Variants in PI4KA observed in about 807,000 individuals in gnomAD.
The protein encoded by PI4KA is phosphatidylinositol 4-kinase alpha.
A neutral mutation model predicts 271.4 loss-of-function variants in PI4KA; 122 were observed. That is an observed-to-expected ratio of 0.45 (90% CI 0.39 to 0.52). PI4KA has a LOEUF of 0.52. PI4KA is among the 20% of genes least tolerant of loss of function. The probability of loss-of-function intolerance (pLI) is 0.00; values close to 1 mark genes in which losing one functional copy is unlikely to be tolerated. For missense variants in PI4KA, 1,969 were observed against 2,769.1 expected, an observed-to-expected ratio of 0.71 and a Z score of 6.48; for synonymous variants, 1,041 against 1,078.8, an observed-to-expected ratio of 0.96 and a Z score of 0.69.
chr22:20,799,098 C>T lies in PI4KA; in HGVS notation c.1999G>A (p.Gly667Arg), dbSNP rs749608484. The change falls in exon 16 of 55, where the codon GGA becomes AGA. Residue 667 changes from glycine (G) to arginine (R), a missense_variant. Gly to Arg is a moderately radical substitution (Grantham distance 125). Around this residue, in one of 13 missense-constraint regions of PI4KA, gnomAD observed 228 missense variants for 261.6 expected, o/e 0.87. Coordinates refer to ENST00000255882, the MANE Select transcript of PI4KA (RefSeq NM_058004.4). ...CTGGCTCTGGCCTCCCTTACATTTCCGGTGATAACCAGGCAGCCCAGCTGG... is the reference window on the plus strand; with the variant it reads ...CTGGCTCTGGCCTCCCTTACATTTCTGGTGATAACCAGGCAGCCCAGCTGG... ...IDQLGCLVIT[G>R]NQYIYQEVWN... The T allele has an allele frequency of 3.7e-6, 6 of 1,613,016 alleles. No homozygotes were observed. The highest frequency in any genetic ancestry group is 3.3e-5 in the Admixed American group (2 of 59,878).
At chr22:20,809,617 G>C (rs751343526) in intron 9 of PI4KA, among the ~76,000 whole-genome samples, 2 of 152,052 alleles carry the variant, frequency 1.3e-5, no homozygotes, top group Non-Finnish European at 2.9e-5. Context: ...TGGTCCTCCT[G>C]GTCTGCCCTC....
At chr22:20,708,126 G>A in intron 54 of PI4KA, 28 bp from the exon 55 acceptor site, 1 of 1,599,862 alleles carries the variant, frequency 6.3e-7, no homozygotes, top group South Asian at 1.1e-5. Flanking sequence ...AGTGAAGGGA[G>A]ATTCGAGGAG....
intron 22 of PI4KA, among the ~76,000 whole-genome samples, chr22:20,761,646 A>T (rs2147378467): frequency 6.6e-6 from 1 of 152,356 alleles, no homozygotes; most frequent in Middle Eastern, 3.4e-3. Context: ...CACTGACTGC[A>T]TTATCCAAAA....
intron 1 of PI4KA, among the ~76,000 whole-genome samples, chr22:20,850,584 C>T (rs920373515): frequency 3.3e-5 from 5 of 151,908 alleles, no homozygotes; most frequent in African/African-American, 4.8e-5. Context: ...GCTGGGACTA[C>T]AGGCCACCAC....
In PI4KA at chr22:20,858,754, G is replaced by C. The variant is rs951159543; in HGVS notation, c.-29C>G. The C allele has an allele frequency of 1.2e-5, 17 of 1,367,562 alleles. No individual in the cohort carries two copies. In the South Asian group the frequency reaches 1.6e-4, roughly 13 times the overall value. 84.7% of individuals were successfully genotyped at this position (1,367,562 alleles called of 1,614,324 possible). A position where few individuals can be genotyped will look rare whatever the true frequency, so the allele number is the denominator to read the frequency against. ...CTCACGAGCCGCGGCGCTGCCCGCCGGCTCCCCGCTCCTGGCCCGCGAGCG... is the reference window on the plus strand; with the variant it reads ...CTCACGAGCCGCGGCGCTGCCCGCCCGCTCCCCGCTCCTGGCCCGCGAGCG... On this transcript the variant is annotated 5_prime_UTR_variant, in exon 1 of 55. Coordinates refer to ENST00000255882, the MANE Select transcript of PI4KA (RefSeq NM_058004.4).
At chr22:20,805,760 A>T (rs1935615980) in intron 10 of PI4KA, among the ~76,000 whole-genome samples, 1 of 148,806 alleles carries the variant, frequency 6.7e-6, no homozygotes, top group Admixed American at 6.9e-5. Context: ...TCAACCCGGG[A>T]GGCGGAGCTT....
intron 17 of PI4KA, among the ~76,000 whole-genome samples, chr22:20,797,557 A>T (rs774426872): frequency 6.6e-6 from 1 of 152,216 alleles, no homozygotes; most frequent in South Asian, 2.1e-4. Flanking sequence ...AGGCTGTTCT[A>T]GTAGCCTGGG....
At chr22:20,757,522 G>A (rs889067230) in intron 23 of PI4KA, among the ~76,000 whole-genome samples, 1 of 152,032 alleles carries the variant, frequency 6.6e-6, no homozygotes, top group Non-Finnish European at 1.5e-5. Flanking sequence ...TTCTCTAGAA[G>A]GCTGGCAAAA....
chr22:20,779,692 A>C, intron 19 of PI4KA: 2 of 1,614,242 alleles, frequency 1.2e-6, no homozygotes, highest in Non-Finnish European at 1.7e-6. Context: ...CAGCGTCTTA[A>C]CATCCTCAAC....
Position 20,845,603 on chromosome 22 carries a change from T to C in PI4KA, c.157-6872A>G, listed in dbSNP as rs1303282329. Among the ~76,000 whole-genome samples the C allele has an allele frequency of 2.0e-5, 3 of 152,228 alleles. No individual in the cohort carries two copies. In the East Asian group the frequency reaches 5.8e-4, roughly 29 times the overall value. On this transcript the variant is annotated intron_variant, in intron 1 of 54. Transcript: ENST00000255882. ...ATATTTTCGAAGTGACTCAGAGCTA[T>C]CATGATAAACAAAGGTGACTGTGAC...
At position 20,729,967 on chromosome 22, in the gene PI4KA, G is replaced by A. The variant is rs766870516; in HGVS notation, c.4333C>T (p.Arg1445Trp). Residue 1445 changes from arginine to tryptophan, a missense_variant, in exon 37 of 55, where the codon CGG (arginine) becomes TGG (tryptophan). By Grantham distance (101) the Arg-to-Trp change is moderately radical (BLOSUM62 -3). Transcript: ENST00000255882. ...ATCCAGCCTTGGGTGGCTTGTTGCC[G>A]AGAGCCGACAGTTATGTCCAGGTTG... Reference protein sequence around the residue: ...RSNLDITVGSRQQATQGWINT... With the variant: ...RSNLDITVGSWQQATQGWINT... The A allele has an allele frequency of 8.7e-6, 14 of 1,614,146 alleles. No homozygotes were observed. The highest frequency in any genetic ancestry group is 1.1e-5 in the South Asian group (1 of 91,072).
rs768136256 is a variant in PI4KA at position 20,818,549 on chromosome 22, C to T, written c.790G>A (p.Val264Ile). 2 of 1,537,308 alleles carry T rather than the reference C, an allele frequency of 1.3e-6. No individual in the cohort carries two copies. Among genetic ancestry groups the T allele is most frequent in the Admixed American group, 4.7e-5 (2 of 42,478 alleles). ...GGGGGCATGCCGCGTTCAGGGCTGA[C>T]CTGAAACACACAACCACAGTTACAT... ...KTSSVSSISQ[V>I]SPERGMPPPS... is the part of the protein sequence containing the mutation. Residue 264 changes from valine to isoleucine, a missense_variant and splice_region_variant, in exon 7 of 55, where the codon GTC (valine) becomes ATC (isoleucine). This residue lies in a region of PI4KA where 540 missense variants were observed against 555.5 expected (regional missense o/e 0.97). Transcript: ENST00000255882.
chr22:20,799,398 G>C, intron 15 of PI4KA, 122 bp from the exon 16 acceptor site: 2 of 956,152 alleles, frequency 2.1e-6, no homozygotes, highest in South Asian at 1.9e-5. Context: ...GTGTTCATCT[G>C]AAACTGACAG....
intron 4 of PI4KA, among the ~76,000 whole-genome samples, chr22:20,822,385 C>A (rs940071323): frequency 8.9e-6 from 1 of 112,620 alleles, no homozygotes; most frequent in Non-Finnish European, 1.9e-5. Flanking sequence ...AGTCTTCTTT[C>A]GCACCTGCTT....
At chr22:20,779,458 A>C in intron 19 of PI4KA, 2 of 1,614,114 alleles carry the variant, frequency 1.2e-6, no homozygotes, top group Non-Finnish European at 1.7e-6. Context: ...AATAACAAAA[A>C]CCTGAGCATG....
chr22:20,726,318 A>C, intron 42 of PI4KA, 170 bp downstream of exon 42: 1 of 527,450 alleles, frequency 1.9e-6, no homozygotes. Context: ...GAACATGGGT[A>C]TCAAGGGACA....
chr22:20,710,032 C>G (rs755609328), intron 52 of PI4KA, 35 bp from the exon 53 acceptor site: 2 of 1,380,114 alleles, frequency 1.4e-6, no homozygotes, highest in Non-Finnish European at 2.1e-6. Context: ...TGGGCTGAGG[C>G]CAGCCTAGGT....
intron 29 of PI4KA, 80 bp from the exon 30 acceptor site, chr22:20,744,800 A>T: frequency 8.7e-7 from 1 of 1,151,750 alleles, no homozygotes; most frequent in South Asian, 1.3e-5. Context: ...CCTAAACCCA[A>T]TGAAGCAGTC....
intron 19 of PI4KA, among the ~76,000 whole-genome samples, chr22:20,780,902 C>A (rs964153928): frequency 2.1e-4 from 32 of 151,802 alleles, no homozygotes; most frequent in African/African-American, 7.3e-4. Flanking sequence ...AATACAAAAA[C>A]TGTTTTAGCA....
Sources: allele counts gnomAD v4.1 joint callset (sites outside exome capture counted in the v4.1 genomes callset), GRCh38; gene constraint gnomAD v4.1.1; regional missense constraint gnomAD v4.1.1; transcripts MANE v1.5; gene names NCBI Gene and HGNC (gene_info 2026-07-23, HGNC 2026-07-21).